Variants in CLTCL1 observed in about 807,000 individuals in gnomAD.
CLTCL1 encodes clathrin heavy chain like 1.
A neutral mutation model predicts 190.0 loss-of-function variants in CLTCL1; 159 were observed. That is an observed-to-expected ratio of 0.84 (90% CI 0.74 to 0.95). The LOEUF (loss-of-function observed/expected upper bound fraction) is 0.95. Among genes scored for constraint, CLTCL1 ranks in the 40% least tolerant of loss-of-function variants. The probability of loss-of-function intolerance (pLI) is 0.00; values close to 1 mark genes in which losing one functional copy is unlikely to be tolerated. For synonymous variants in CLTCL1, 752 were observed against 769.6 expected (o/e 0.98, Z 0.38); for missense variants, 1,878 against 2,033.4 (o/e 0.92, Z 1.47).
At position 19,227,816 on chromosome 22, in the gene CLTCL1, T is replaced by C. The variant is rs5748056; in HGVS notation, c.1783-1433A>G. Among the ~76,000 whole-genome samples the C allele has an allele frequency of 9.4e-3, 1,433 of 152,288 alleles. 34 individuals carry two copies. Among genetic ancestry groups the C allele is most frequent in the East Asian group, 0.068 (353 of 5,168 alleles). On this transcript the variant is annotated intron_variant, in intron 11 of 32. Transcript: ENST00000427926. ...TTTGGCCGTGTTGTCCATGCTGGTCTCAAACTCCTGGGCTCTGCTCACCTT... is the reference window on the plus strand; with the variant it reads ...TTTGGCCGTGTTGTCCATGCTGGTCCCAAACTCCTGGGCTCTGCTCACCTT...
chr22:19,269,934 C>T (rs1478783896), intron 2 of CLTCL1, among the ~76,000 whole-genome samples: 1 of 145,752 alleles, frequency 6.9e-6, no homozygotes, highest in Non-Finnish European at 1.5e-5. Flanking sequence ...TATCCTGGAA[C>T]TTAAAGTAAA....
intron 2 of CLTCL1, chr22:19,257,933 G>T: frequency 1.8e-6 from 2 of 1,108,362 alleles, no homozygotes; most frequent in Non-Finnish European, 2.5e-6. Flanking sequence ...GAAGCTGATG[G>T]CTCAGATCTT....
rs117132078 is a variant in CLTCL1 at position 19,251,319 on chromosome 22, T to C, written c.519+2640A>G. Among the ~76,000 whole-genome samples the C allele has an allele frequency of 9.4e-3, 1,435 of 152,328 alleles. 35 individuals carry two copies. Among genetic ancestry groups the C allele is most frequent in the East Asian group, 0.068 (354 of 5,188 alleles). Reference sequence around the variant, plus strand: ...CACAATTGATGTTTGCAAACTGATATTGTATTCTGTAACCTTGTTCAATTT... The same window carrying C: ...CACAATTGATGTTTGCAAACTGATACTGTATTCTGTAACCTTGTTCAATTT... On this transcript the variant is annotated intron_variant, in intron 3 of 32. Coordinates refer to ENST00000427926, the MANE Select transcript of CLTCL1 (RefSeq NM_007098.4).
intron 22 of CLTCL1, among the ~76,000 whole-genome samples, chr22:19,203,183 C>T (rs782746628): frequency 1.3e-4 from 20 of 152,078 alleles, no homozygotes; most frequent in Non-Finnish European, 2.5e-4. Flanking sequence ...AGCGTGGTGG[C>T]GGGCGCCTGT....
intron 29 of CLTCL1, 152 bp from the exon 30 acceptor site, chr22:19,183,763 T>C (rs2084220100): frequency 1.4e-6 from 1 of 724,958 alleles, no homozygotes; most frequent in African/African-American, 1.7e-5. Context: ...GGCCATTCCC[T>C]ATGCCCTGCT....
intron 3 of CLTCL1, among the ~76,000 whole-genome samples, chr22:19,248,935 C>T (rs1483016110): frequency 6.6e-6 from 1 of 152,112 alleles, no homozygotes; most frequent in Non-Finnish European, 1.5e-5. Context: ...GACAGAGGTC[C>T]CATTTAATGC....
intron 14 of CLTCL1, among the ~76,000 whole-genome samples, chr22:19,223,564 CT>C (rs879959035): frequency 2.6e-5 from 4 of 152,170 alleles, no homozygotes; most frequent in Non-Finnish European, 4.4e-5. Context: ...GCTTCCTGTT[CT>C]TTATGACACT....
chr22:19,257,493 G>C, intron 2 of CLTCL1: 1 of 269,478 alleles, frequency 3.7e-6, no homozygotes, highest in Non-Finnish European at 7.4e-6. Flanking sequence ...CCTGAGTCCT[G>C]TTCTCTCACT....
chr22:19,187,934 G>C, intron 28 of CLTCL1, 47 bp downstream of exon 28: 1 of 1,561,684 alleles, frequency 6.4e-7, no homozygotes, highest in Non-Finnish European at 8.8e-7. Context: ...CAGTTGCAGG[G>C]GAGGAGCCCA....
intron 1 of CLTCL1, among the ~76,000 whole-genome samples, chr22:19,285,330 A>G (rs2087870162): frequency 6.6e-6 from 1 of 152,148 alleles, no homozygotes; most frequent in East Asian, 1.9e-4. Context: ...TTCCTAGCCT[A>G]AAGAGGGAGC....
intron 18 of CLTCL1, among the ~76,000 whole-genome samples, chr22:19,217,257 ACACAG>A (rs2085413531): frequency 6.6e-6 from 1 of 152,176 alleles, no homozygotes; most frequent in Admixed American, 6.5e-5. Flanking sequence ...GGGCACCAGG[ACACAG>A]CACAAGTCCA....
intron 2 of CLTCL1, among the ~76,000 whole-genome samples, chr22:19,261,196 T>G (rs949397461): frequency 7.9e-5 from 12 of 151,982 alleles, no homozygotes; most frequent in Non-Finnish European, 1.5e-4. Flanking sequence ...CACTGCAAGC[T>G]CCGCCTCCCG....
chr22:19,260,755 G>A (rs807434), intron 2 of CLTCL1, among the ~76,000 whole-genome samples: 8,632 of 143,920 alleles, frequency 0.06, 318 homozygotes, highest in Middle Eastern at 0.14. Context: ...CTCCAGCCTG[G>A]GCAACAAGAG....
intron 15 of CLTCL1, among the ~76,000 whole-genome samples, chr22:19,222,320 TG>T (rs2085598577): frequency 6.6e-6 from 1 of 152,098 alleles, no homozygotes; most frequent in African/African-American, 2.4e-5. Context: ...CCTAATGTAA[TG>T]GGACTAGTGT....
Position 19,243,201 on chromosome 22 carries a change from T to C in CLTCL1, c.520-265A>G, listed in dbSNP as rs140420709. 5.7e-3 allele frequency among the ~76,000 whole-genome samples: 865 copies of C among 152,290 alleles called. 11 individuals are homozygous for C. Among genetic ancestry groups the C allele is most frequent in the African/African-American group, 0.019 (778 of 41,554 alleles). On this transcript the variant is annotated intron_variant, in intron 3 of 32. Coordinates refer to ENST00000427926, the MANE Select transcript of CLTCL1 (RefSeq NM_007098.4). Reference sequence around the variant, plus strand: ...AAATATAGTAAGTGTGAGAGCATTTTTTCATGGAAAGTAACTCGTGCACTT... The same window carrying C: ...AAATATAGTAAGTGTGAGAGCATTTCTTCATGGAAAGTAACTCGTGCACTT...
chr22:19,220,863 G>A (rs1601561666), intron 17 of CLTCL1, among the ~76,000 whole-genome samples: 1 of 152,270 alleles, frequency 6.6e-6, no homozygotes, highest in African/African-American at 2.4e-5. Flanking sequence ...GCAGATGCAG[G>A]CAAAAGACCT....
intron 2 of CLTCL1, among the ~76,000 whole-genome samples, chr22:19,271,773 C>T (rs1287490265): frequency 6.6e-6 from 1 of 152,186 alleles, no homozygotes; most frequent in African/African-American, 2.4e-5. Flanking sequence ...TAAAAGACCT[C>T]TGTCTGTTTT....
chr22:19,255,471 G>C (rs1336985585), intron 2 of CLTCL1, among the ~76,000 whole-genome samples: 7 of 152,100 alleles, frequency 4.6e-5, no homozygotes, highest in African/African-American at 7.2e-5. Context: ...GCTGAGGCAG[G>C]AGAATCGCTT....
chr22:19,183,596 C>G lies in CLTCL1; in HGVS notation c.4621G>C (p.Ala1541Pro). The part of the protein sequence containing the change: ...DHLYKDAMQH[A>P]AESRDAELAQ... ...AGCTCAGCATCCCGCGACTCTGCAG[C>G]ATGCTGCATGGCATCCTGCAGCCAA... The change falls in exon 30 of 33, where the codon GCT (alanine) becomes CCT (proline). Residue 1541 changes from alanine (A) to proline (P), a missense_variant. Ala to Pro is a conservative substitution (Grantham distance 27). Coordinates refer to ENST00000427926, the MANE Select transcript of CLTCL1 (RefSeq NM_007098.4). 1 of 1,613,566 alleles carries G rather than the reference C, an allele frequency of 6.2e-7. No individual in the cohort carries two copies. The highest frequency in any genetic ancestry group is 8.5e-7 in the Non-Finnish European group (1 of 1,179,852).
Sources: gnomAD v4.1 joint callset for allele counts (sites outside exome capture counted in the v4.1 genomes callset) on GRCh38, gnomAD v4.1.1 for gene constraint, MANE v1.5 for transcripts, NCBI Gene and HGNC (gene_info 2026-07-23, HGNC 2026-07-21) for gene names.